Variants in PDE4D observed in about 807,000 individuals in gnomAD.
The protein encoded by PDE4D is 3',5'-cyclic-AMP phosphodiesterase 4D.
In PDE4D, 24 loss-of-function variants were observed where a neutral mutation model predicts 87.4. That is an observed-to-expected ratio of 0.27 (90% CI 0.20 to 0.39). The LOEUF (loss-of-function observed/expected upper bound fraction) is 0.39. Ranked by LOEUF, PDE4D falls within the 10% of genes least tolerant of loss-of-function variation. The probability of loss-of-function intolerance (pLI) is 1.00; values close to 1 mark genes in which losing one functional copy is unlikely to be tolerated. For missense variants in PDE4D, 714 were observed against 1,041.0 expected (o/e 0.69, Z 4.32); for synonymous variants, 384 against 383.2 (o/e 1.00, Z -0.02).
chr5:60,041,065 C>T (rs1230962738), intron 2 of PDE4D, among the ~76,000 whole-genome samples: 2 of 152,096 alleles, frequency 1.3e-5, no homozygotes, highest in East Asian at 3.8e-4. Flanking sequence ...AATTTAACTG[C>T]CATTATAGTT....
intron 1 of PDE4D, among the ~76,000 whole-genome samples, chr5:59,508,391 GC>G (rs1809660417): frequency 6.6e-6 from 1 of 152,058 alleles, no homozygotes; most frequent in Non-Finnish European, 1.5e-5. Context: ...TATTTGCGTG[GC>G]CCAAAAGTTG....
At chr5:59,292,105 AT>A (rs1768156855) in intron 1 of PDE4D, among the ~76,000 whole-genome samples, 1 of 152,098 alleles carries the variant, frequency 6.6e-6, no homozygotes, top group South Asian at 2.1e-4. Flanking sequence ...GTTATTCCAT[AT>A]GGGGAAAGAA....
At chr5:60,097,241 T>C (rs1775766164) in intron 2 of PDE4D, among the ~76,000 whole-genome samples, 4 of 129,190 alleles carry the variant, frequency 3.1e-5, no homozygotes, top group Admixed American at 3.0e-4. Context: ...TGTACCTAGA[T>C]ACTGCTCATT....
At chr5:59,145,630 A>G (rs1778529282) in intron 5 of PDE4D, among the ~76,000 whole-genome samples, 1 of 152,178 alleles carries the variant, frequency 6.6e-6, no homozygotes, top group Admixed American at 6.5e-5. Context: ...CCGGAATTGC[A>G]AAGGGTATCC....
In PDE4D at chr5:59,383,497, T is replaced by C. The variant is rs546238718; in HGVS notation, c.456-167529A>G. On this transcript the variant is annotated intron_variant, in intron 1 of 14. Coordinates refer to ENST00000340635, the MANE Select transcript of PDE4D (RefSeq NM_001104631.2). ...TGAACTCCCCTGCTATTGCACTATT[T>C]GTTCCCTAGCACTGAGAGCCTTCTA... Among the ~76,000 whole-genome samples, 10 of 152,282 alleles carry C rather than the reference T, an allele frequency of 6.6e-5. No homozygotes were observed. The East Asian group carries it at 1.9e-3, about 29-fold the overall frequency.
At chr5:59,991,988 G>A (rs918457577) in intron 2 of PDE4D, among the ~76,000 whole-genome samples, 1 of 152,150 alleles carries the variant, frequency 6.6e-6, no homozygotes, top group Non-Finnish European at 1.5e-5. Flanking sequence ...ATGTGGGTAG[G>A]CACCATCTAA....
intron 1 of PDE4D, among the ~76,000 whole-genome samples, chr5:59,312,254 A>G (rs1353787778): frequency 1.3e-5 from 2 of 152,206 alleles, no homozygotes; most frequent in African/African-American, 2.4e-5. Context: ...TGGCTCTTAC[A>G]TTTAGATTAA....
chr5:59,380,020 G>A (rs1412603733), intron 1 of PDE4D, among the ~76,000 whole-genome samples: 2 of 152,006 alleles, frequency 1.3e-5, no homozygotes, highest in South Asian at 2.1e-4. Flanking sequence ...AGTGTCTACT[G>A]TTACCATCTT....
chr5:59,659,156 T>C (rs1744844007), intron 1 of PDE4D, among the ~76,000 whole-genome samples: 1 of 152,216 alleles, frequency 6.6e-6, no homozygotes, highest in Non-Finnish European at 1.5e-5. Flanking sequence ...AAAGCAACTT[T>C]TGCAGATTTG....
intron 1 of PDE4D, among the ~76,000 whole-genome samples, chr5:59,823,822 T>C (rs761199409): frequency 6.7e-6 from 1 of 149,338 alleles, no homozygotes; most frequent in Non-Finnish European, 1.5e-5. Context: ...AAGCCATTCT[T>C]TGGGACCTTT....
intron 1 of PDE4D, among the ~76,000 whole-genome samples, chr5:60,223,435 C>T (rs1293059405): frequency 6.6e-6 from 1 of 152,046 alleles, no homozygotes; most frequent in Middle Eastern, 3.2e-3. Flanking sequence ...CATGGGACAC[C>T]ACAAGAATTC....
At chr5:60,218,278 T>G (rs1191016527) in intron 1 of PDE4D, among the ~76,000 whole-genome samples, 2 of 152,016 alleles carry the variant, frequency 1.3e-5, no homozygotes, top group South Asian at 4.1e-4. Flanking sequence ...TATCATTCCA[T>G]TTCTATGAAG....
At chr5:59,105,048 C>A (rs1258011317) in intron 5 of PDE4D, among the ~76,000 whole-genome samples, 1 of 152,188 alleles carries the variant, frequency 6.6e-6, no homozygotes, top group African/African-American at 2.4e-5. Context: ...GTCGTGCTAT[C>A]CAAATCACCA....
intron 5 of PDE4D, among the ~76,000 whole-genome samples, chr5:59,178,024 G>C (rs1784167857): frequency 6.6e-6 from 1 of 152,158 alleles, no homozygotes; most frequent in African/African-American, 2.4e-5. Context: ...AGCCTAGAGG[G>C]TGGGGCCTGA....
chr5:59,768,893 G>A (rs1489946644), intron 1 of PDE4D, among the ~76,000 whole-genome samples: 1 of 152,138 alleles, frequency 6.6e-6, no homozygotes, highest in African/African-American at 2.4e-5. Flanking sequence ...AAAAAGTCCT[G>A]GGGGGAGGGC....
chr5:59,625,732 C>T (rs535475299), intron 1 of PDE4D, among the ~76,000 whole-genome samples: 3 of 152,206 alleles, frequency 2.0e-5, no homozygotes, highest in Admixed American at 2.0e-4. Context: ...ATTAAAAGAA[C>T]ATTCTCTTTC....
At chr5:60,319,596 T>C (rs1281778682) in intron 1 of PDE4D, among the ~76,000 whole-genome samples, 1 of 152,224 alleles carries the variant, frequency 6.6e-6, no homozygotes, top group Non-Finnish European at 1.5e-5. Flanking sequence ...GCTCTGTTTT[T>C]TCCCTATCTT....
intron 1 of PDE4D, among the ~76,000 whole-genome samples, chr5:60,407,559 T>G (rs1459872717): frequency 6.9e-6 from 1 of 145,010 alleles, no homozygotes; most frequent in Admixed American, 7.0e-5. Context: ...GTTCAAGCGA[T>G]TCTCCTGCCT....
At chr5:60,051,901 T>C (rs1326348036) in intron 2 of PDE4D, among the ~76,000 whole-genome samples, 1 of 152,202 alleles carries the variant, frequency 6.6e-6, no homozygotes, top group Non-Finnish European at 1.5e-5. Flanking sequence ...TATCAGAGTA[T>C]ACTATGAACA....
Sources: gnomAD v4.1 joint callset for allele counts (sites outside exome capture counted in the v4.1 genomes callset) on GRCh38, gnomAD v4.1.1 for gene constraint, MANE v1.5 for transcripts, NCBI Gene and HGNC (gene_info 2026-07-23, HGNC 2026-07-21) for gene names.